Variants in SLC7A5 observed in about 807,000 individuals in gnomAD.
The protein encoded by SLC7A5 is large neutral amino acids transporter small subunit 1.
A neutral mutation model predicts 50.2 loss-of-function variants in SLC7A5; 23 were observed. The observed-to-expected ratio is 0.46, with a 90% CI of 0.33 to 0.65. The LOEUF is 0.65. Ranked by LOEUF, SLC7A5 falls within the 30% of genes least tolerant of loss-of-function variation. The pLI is 0.02. For synonymous variants in SLC7A5, 393 were observed against 330.6 expected, an observed-to-expected ratio of 1.19 and a Z score of -2.05; for missense variants, 578 against 684.4, an observed-to-expected ratio of 0.84 and a Z score of 1.73.
At chr16:87,863,728 C>T (rs1344634576) in intron 1 of SLC7A5, 1 of 151,964 alleles carries the variant, frequency 6.6e-6, no homozygotes, top group African/African-American at 2.4e-5. Flanking sequence ...ACCCATTTCA[C>T]ACGATTATTT....
At position 87,834,571 on chromosome 16, in the gene SLC7A5, C is replaced by T. The variant is rs756484464; in HGVS notation, c.1311G>A (p.Val437=). ...GGAAGAGGCAGGCCAGGATGAAGAACACAGGCAGGGCCAGGTTCACCTGGG... is the reference window on the plus strand; with the variant it reads ...GGAAGAGGCAGGCCAGGATGAAGAATACAGGCAGGGCCAGGTTCACCTGGG... ...RPIKVNLALP[V]FFILACLFLI... The change falls in exon 9 of 10, where the codon GTG becomes GTA. Residue 437 remains valine (V), a synonymous_variant. Coordinates refer to ENST00000261622, the MANE Select transcript of SLC7A5 (RefSeq NM_003486.7). The T allele has an allele frequency of 6.3e-7, 1 of 1,594,762 alleles. No homozygotes were observed. The highest frequency in any genetic ancestry group is 8.5e-7 in the Non-Finnish European group (1 of 1,172,512).
chr16:87,842,565 C>A (rs2055094987), intron 2 of SLC7A5, among the ~76,000 whole-genome samples: 1 of 152,236 alleles, frequency 6.6e-6, no homozygotes, highest in Non-Finnish European at 1.5e-5. Flanking sequence ...CTGTTTTGCA[C>A]CTGCTTCCCC....
intron 1 of SLC7A5, among the ~76,000 whole-genome samples, chr16:87,864,453 C>T (rs1181421059): frequency 6.6e-6 from 1 of 152,210 alleles, no homozygotes; most frequent in Non-Finnish European, 1.5e-5. Flanking sequence ...CTGCCCCCTG[C>T]ACCTGTCAGA....
Position 87,830,062 on chromosome 16 carries a change from A to G in SLC7A5, c.*2908T>C, listed in dbSNP as rs1488584439. ...GTTTCTTTAAAAATAAAAACCCCAC[A>G]AAAAAGCCAGAACACCCTACCCAAC... On this transcript the variant is annotated 3_prime_UTR_variant, in exon 10 of 10. Coordinates refer to ENST00000261622, the MANE Select transcript of SLC7A5 (RefSeq NM_003486.7). 2.0e-5 allele frequency: 3 copies of G among 152,164 alleles called. No individual in the cohort carries two copies. The highest frequency in any genetic ancestry group is 6.5e-5 in the Admixed American group (1 of 15,286). 9.4% of individuals were successfully genotyped at this position (152,164 alleles called of 1,614,324 possible).
intron 1 of SLC7A5, among the ~76,000 whole-genome samples, chr16:87,866,283 T>C (rs1044006016): frequency 6.6e-6 from 1 of 152,162 alleles, no homozygotes; most frequent in African/African-American, 2.4e-5. Context: ...GATATATTTG[T>C]AACAGAAGCA....
chr16:87,862,042 G>T lies in SLC7A5; in HGVS notation c.538+6843C>A, dbSNP rs2055404717. ...CTGAGCCAGGATCCCAGCTGTGGGG[G>T]GTTGGGGGTGGAGGGGTGCAGGGAT... is the stretch of plus-strand genomic sequence containing the variant. On this transcript the variant is annotated intron_variant, in intron 1 of 9. Coordinates refer to ENST00000261622, the MANE Select transcript of SLC7A5 (RefSeq NM_003486.7). The surrounding 1 kb of genome is among the most constrained non-coding windows in gnomAD (Gnocchi z 5.3). 6.6e-6 allele frequency among the ~76,000 whole-genome samples: 1 copy of T among 152,222 alleles called. No individual in the cohort carries two copies. The highest frequency in any genetic ancestry group is 2.4e-5 in the African/African-American group (1 of 41,462).
At chr16:87,836,383 C>T (rs1167469906) in intron 8 of SLC7A5, 115 bp downstream of exon 8, 4 of 1,201,742 alleles carry the variant, frequency 3.3e-6, no homozygotes, top group Admixed American at 1.9e-5. Context: ...TGCATGCAGG[C>T]AGGGGCAGGT....
rs751678536 is a variant in SLC7A5, at chr16:87,830,958, C to T, written c.*2012G>A. The T allele has an allele frequency of 3.9e-5, 6 of 152,250 alleles. No individual in the cohort carries two copies. The highest frequency in any genetic ancestry group is 7.2e-5 in the African/African-American group (3 of 41,448). 9.4% of individuals were successfully genotyped at this position (152,250 alleles called of 1,614,324 possible). On this transcript the variant is annotated 3_prime_UTR_variant, in exon 10 of 10. Transcript: ENST00000261622. The stretch of plus-strand genomic sequence containing the variant: ...AGAGGCTGACGTCGTGCGTGGGCCC[C>T]GCCGGCCCCAGTGGGAAGCAGTGGT...
At chr16:87,868,104 G>A (rs149188544) in intron 1 of SLC7A5, among the ~76,000 whole-genome samples, 24,996 of 146,150 alleles carry the variant, frequency 0.17, 3,163 homozygotes, top group African/African-American at 0.35. Context: ...CGACTGAGCG[G>A]GACTCAGTGT....
At chr16:87,867,766 C>A (rs1294337746) in intron 1 of SLC7A5, among the ~76,000 whole-genome samples, 1 of 152,152 alleles carries the variant, frequency 6.6e-6, no homozygotes, top group African/African-American at 2.4e-5. Flanking sequence ...CCACGCCACC[C>A]AACCAAATCA....
chr16:87,837,809 AG>A (rs1281067873), intron 7 of SLC7A5, 35 bp downstream of exon 7: 2 of 1,538,660 alleles, frequency 1.3e-6, no homozygotes, highest in Non-Finnish European at 1.8e-6. Context: ...GACAACCCCC[AG>A]GGATGTAGGG....
rs192521025 is a variant in SLC7A5, at chr16:87,853,413, C to A, written c.539-1564G>T. ...AAAAATGTCTGAAAGTCAGTGTTTTCGCTGCTATTCCTAAAATAAAATACT... is the reference window on the plus strand; with the variant it reads ...AAAAATGTCTGAAAGTCAGTGTTTTAGCTGCTATTCCTAAAATAAAATACT... On this transcript the variant is annotated intron_variant, in intron 1 of 9. Coordinates refer to ENST00000261622, the MANE Select transcript of SLC7A5 (RefSeq NM_003486.7). The surrounding 1 kb of genome is among the most constrained non-coding windows in gnomAD (Gnocchi z 4.4). Among the ~76,000 whole-genome samples, 3 of 152,196 alleles carry A rather than the reference C, an allele frequency of 2.0e-5. No homozygotes were observed. The highest frequency in any genetic ancestry group is 7.2e-5 in the African/African-American group (3 of 41,450).
intron 2 of SLC7A5, among the ~76,000 whole-genome samples, chr16:87,847,656 T>C (rs1286334160): frequency 6.6e-6 from 1 of 152,070 alleles, no homozygotes; most frequent in Non-Finnish European, 1.5e-5. Context: ...CGAACGCACC[T>C]TGGGAACAGA....
chr16:87,859,643 C>G (rs1407036282), intron 1 of SLC7A5, among the ~76,000 whole-genome samples: 2 of 152,168 alleles, frequency 1.3e-5, no homozygotes, highest in Non-Finnish European at 2.9e-5. Flanking sequence ...AGCACTAACA[C>G]TCAAACACAG....
chr16:87,842,341 G>A (rs2055092114), intron 2 of SLC7A5, among the ~76,000 whole-genome samples: 2 of 152,248 alleles, frequency 1.3e-5, no homozygotes. Context: ...TGGACCACAG[G>A]TCACCATGGG....
chr16:87,859,126 C>G (rs2055356641), intron 1 of SLC7A5, among the ~76,000 whole-genome samples: 5 of 152,238 alleles, frequency 3.3e-5, no homozygotes, highest in Admixed American at 2.0e-4. Context: ...CCCACGTCAC[C>G]CCAGGCTTCC....
In SLC7A5 at chr16:87,834,516, CG is replaced by C; in HGVS notation, c.1365del (p.Val456TrpfsTer164). 1 of 1,595,616 alleles carries C rather than the reference CG, an allele frequency of 6.3e-7. No individual in the cohort carries two copies. Among genetic ancestry groups the C allele is most frequent in the Non-Finnish European group, 8.5e-7 (1 of 1,172,476 alleles). On this transcript the variant is annotated frameshift_variant, in exon 9 of 10. Coordinates refer to ENST00000261622, the MANE Select transcript of SLC7A5 (RefSeq NM_003486.7). LOFTEE classifies it high-confidence loss of function. ...FLIAVSFWKTPVECGIGFTII... is the reference protein window; with the variant it reads ...FLIAVSFWKTXVECGIGFTII... ...ATGGTGAAGCCGATGCCACACTCCA[CG>C]GGTGTCTTCCAGAAGGAGACGGCGA...
chr16:87,839,687 C>G lies in SLC7A5; in HGVS notation c.939+15G>C. On this transcript the variant is annotated intron_variant, in intron 5 of 9. Transcript: ENST00000261622. Reference sequence around the variant, plus strand: ...CTCTCAGGCCCCTGGTGGAAGCTGGCGGGTAGCGGCTCACCACGGCCACGG... The same window carrying G: ...CTCTCAGGCCCCTGGTGGAAGCTGGGGGGTAGCGGCTCACCACGGCCACGG... 1.9e-6 allele frequency: 3 copies of G among 1,612,654 alleles called. No homozygotes were observed. The highest frequency in any genetic ancestry group is 2.5e-6 in the Non-Finnish European group (3 of 1,179,668).
chr16:87,836,826 AGGAGGGAG>A, intron 7 of SLC7A5, 179 bp from the exon 8 acceptor site: 1 of 431,432 alleles, frequency 2.3e-6, no homozygotes, highest in African/African-American at 2.1e-5. Context: ...AAAGGAGGGA[AGGAGGGAG>A]GAGAGGAGGA....
Sources: gnomAD v4.1 joint callset for allele counts (sites outside exome capture counted in the v4.1 genomes callset) on GRCh38, gnomAD v4.1.1 for gene constraint, Gnocchi (gnomAD v3.1) non-coding constraint, MANE v1.5 for transcripts, NCBI Gene and HGNC (gene_info 2026-07-23, HGNC 2026-07-21) for gene names.